Variants in ACRV1 observed in about 807,000 individuals in gnomAD.
ACRV1 encodes the protein acrosomal protein SP-10.
A neutral mutation model predicts 29.2 loss-of-function variants in ACRV1; 17 were observed. The observed-to-expected ratio is 0.58, with a 90% confidence interval of 0.40 to 0.87. The LOEUF (loss-of-function observed/expected upper bound fraction) is 0.87. Among genes scored for constraint, ACRV1 ranks in the 40% least tolerant of loss-of-function variants. The pLI, the probability that ACRV1 is intolerant of heterozygous loss-of-function variation, is 0.00. For missense variants in ACRV1, 294 were observed against 316.0 expected, an observed-to-expected ratio of 0.93 and a Z score of 0.53; for synonymous variants, 98 against 111.6, an observed-to-expected ratio of 0.88 and a Z score of 0.77.
rs957422021 is a variant in ACRV1, at chr11:125,679,311, G to A, written c.53-1014C>T. Among the ~76,000 whole-genome samples, 12 of 146,848 alleles carry A rather than the reference G, an allele frequency of 8.2e-5. No homozygotes were observed. In the East Asian group the frequency reaches 2.3e-3, roughly 28 times the overall value. ...TGGCTCACTGCAACCTCCGCCTCCCGGGTTCAAGTGATCCTCCTGCCTCTG... is the reference window on the plus strand; with the variant it reads ...TGGCTCACTGCAACCTCCGCCTCCCAGGTTCAAGTGATCCTCCTGCCTCTG... On this transcript the variant is annotated intron_variant, in intron 1 of 3. Transcript: ENST00000533904.
intron 3 of ACRV1, among the ~76,000 whole-genome samples, chr11:125,675,369 CATA>C (rs150728914): frequency 1.3e-5 from 2 of 152,110 alleles, no homozygotes; most frequent in African/African-American, 4.8e-5. Context: ...TACATTATAA[CATA>C]ATCTCTTTGT....
chr11:125,678,014 C>T lies in ACRV1; in HGVS notation c.336G>A (p.Glu112=). 6.2e-7 allele frequency: 1 copy of T among 1,614,158 alleles called. No individual in the cohort carries two copies. The highest frequency in any genetic ancestry group is 8.5e-7 in the Non-Finnish European group (1 of 1,180,016). ...CTGAAGGCTGTTCTCCTGAAGGCTGCTCACCTACAGTATGCTCACCTTCAG... is the reference window on the plus strand; with the variant it reads ...CTGAAGGCTGTTCTCCTGAAGGCTGTTCACCTACAGTATGCTCACCTTCAG... ...EHAEGEHTVG[E]QPSGEQPSGE... is the part of the protein sequence containing the mutation. Residue 112 remains glutamate, a synonymous_variant, in exon 2 of 4, where the codon GAG becomes GAA. Coordinates refer to ENST00000533904, the MANE Select transcript of ACRV1 (RefSeq NM_001612.6).
Position 125,677,995 on chromosome 11 carries a change from G to C in ACRV1, c.355C>G (p.Pro119Ala). Residue 119 changes from proline to alanine, a missense_variant, in exon 2 of 4, where the codon CCT (proline) becomes GCT (alanine). By Grantham distance (27) the Pro-to-Ala change is conservative. Coordinates refer to ENST00000533904, the MANE Select transcript of ACRV1 (RefSeq NM_001612.6). ...TCTCCGGAGAGGTGTTCACCTGAAG[G>C]CTGTTCTCCTGAAGGCTGCTCACCT... Reference protein sequence around the residue: ...TVGEQPSGEQPSGEHLSGEQP... With the variant: ...TVGEQPSGEQASGEHLSGEQP... 4.3e-6 allele frequency: 7 copies of C among 1,613,562 alleles called. No homozygotes were observed. The South Asian group carries it at 4.4e-5, about 10-fold the overall frequency.
chr11:125,679,764 T>G (rs971237214), intron 1 of ACRV1, among the ~76,000 whole-genome samples: 1 of 152,220 alleles, frequency 6.6e-6, no homozygotes, highest in Non-Finnish European at 1.5e-5. Context: ...GCGATAGATA[T>G]ATTTTCTTGG....
chr11:125,680,568 A>G (rs780013303), intron 1 of ACRV1, among the ~76,000 whole-genome samples, 161 bp downstream of exon 1: 8 of 152,194 alleles, frequency 5.3e-5, no homozygotes, highest in Non-Finnish European at 1.0e-4. Flanking sequence ...TAGAGAAATC[A>G]ACTGGTTCAG....
chr11:125,672,720 G>T lies in ACRV1; in HGVS notation c.674-3C>A. Reference sequence around the variant, plus strand: ...AACCATGAATTGGAGTTTTCCACCTGAAAGGAGCAGAGACAGACTAGTGAG... The same window carrying T: ...AACCATGAATTGGAGTTTTCCACCTTAAAGGAGCAGAGACAGACTAGTGAG... On this transcript the variant is annotated splice_region_variant and splice_polypyrimidine_tract_variant and intron_variant, in intron 3 of 3. Transcript: ENST00000533904. 1 of 1,614,020 alleles carries T rather than the reference G, an allele frequency of 6.2e-7. No individual in the cohort carries two copies. The highest frequency in any genetic ancestry group is 8.5e-7 in the Non-Finnish European group (1 of 1,179,992).
At chr11:125,680,480 A>G (rs912819142) in intron 1 of ACRV1, among the ~76,000 whole-genome samples, 10 of 152,176 alleles carry the variant, frequency 6.6e-5, no homozygotes, top group Admixed American at 6.5e-4. Flanking sequence ...AGCATCAGGT[A>G]TAAATGTTGA....
At position 125,676,551 on chromosome 11, in the gene ACRV1, G is replaced by T. The variant is rs1033788486; in HGVS notation, c.554-73C>A. 5.7e-6 allele frequency: 9 copies of T among 1,575,036 alleles called. No homozygotes were observed. In the Admixed American group the frequency reaches 1.2e-4, roughly 21 times the overall value. ...TGTAGCCTTGATTCACATCTGGGAG[G>T]GGTAATGGGCAATAGGTAGCATGGA... On this transcript the variant is annotated intron_variant, in intron 2 of 3. Transcript: ENST00000533904.
Position 125,678,181 on chromosome 11 carries a change from CAT to C in ACRV1, c.167_168del (p.Tyr56Ter), listed in dbSNP as rs780683181. 6 of 1,614,078 alleles carry C rather than the reference CAT, an allele frequency of 3.7e-6. No homozygotes were observed. The highest frequency in any genetic ancestry group is 1.3e-5 in the African/African-American group (1 of 74,928). On this transcript the variant is annotated frameshift_variant, in exon 2 of 4. Transcript: ENST00000533904. LOFTEE classifies it high-confidence loss of function. ...LENPSDAEAL[Y>X]ETSSGLNTLS... is the part of the protein sequence containing the mutation. ...AAAGTGTTCAGGCCTGAAGAAGTCT[CAT>C]ATAAAGCCTCAGCATCAGAAGGGTT...
Position 125,680,709 on chromosome 11 carries a change from AG to A in ACRV1, c.52+19del. On this transcript the variant is annotated intron_variant, in intron 1 of 3. Transcript: ENST00000533904. ...GGAGACCCCTTTTGTATTTACCTGAAGCCTAGATCAAACACTCACCTCTGGC... is the reference window on the plus strand; with the variant it reads ...GGAGACCCCTTTTGTATTTACCTGAACCTAGATCAAACACTCACCTCTGGC... 1 of 1,609,448 alleles carries A rather than the reference AG, an allele frequency of 6.2e-7. No homozygotes were observed. Among genetic ancestry groups the A allele is most frequent in the Non-Finnish European group, 8.5e-7 (1 of 1,176,354 alleles).
At chr11:125,680,104 A>C (rs999242220) in intron 1 of ACRV1, among the ~76,000 whole-genome samples, 1 of 152,246 alleles carries the variant, frequency 6.6e-6, no homozygotes, top group African/African-American at 2.4e-5. Context: ...CAAAGCAAAA[A>C]GCAAAACCTC....
At chr11:125,679,527 C>T (rs1008916198) in intron 1 of ACRV1, among the ~76,000 whole-genome samples, 1 of 152,164 alleles carries the variant, frequency 6.6e-6, no homozygotes, top group Admixed American at 6.5e-5. Context: ...CAATCCATCT[C>T]ATCATTGACT....
chr11:125,676,701 C>A (rs1002327731), intron 2 of ACRV1, among the ~76,000 whole-genome samples: 4 of 138,198 alleles, frequency 2.9e-5, no homozygotes, highest in African/African-American at 5.1e-5. Flanking sequence ...TCCCAAATTT[C>A]TCTCTCTAAT....
intron 1 of ACRV1, 36 bp downstream of exon 1, chr11:125,680,692 CT>C (rs1466121177): frequency 6.3e-7 from 1 of 1,593,194 alleles, no homozygotes; most frequent in Admixed American, 1.7e-5. Flanking sequence ...AGGGAGACCC[CT>C]TTTGTATTTA....
At chr11:125,672,829 A>T in intron 3 of ACRV1, 112 bp from the exon 4 acceptor site, 1 of 1,310,142 alleles carries the variant, frequency 7.6e-7, no homozygotes, top group Non-Finnish European at 1.0e-6. Context: ...CCACTTGTCC[A>T]TTATCCCTTC....
rs1176716098 is a variant in ACRV1 at position 125,672,475 on chromosome 11, C to G, written c.*118G>C. The stretch of plus-strand genomic sequence containing the variant: ...TAGGATGTTTGAGCATCCTAATGCT[C>G]AGGCAGAGGCAGATGTGGTCAGTTG... On this transcript the variant is annotated 3_prime_UTR_variant, in exon 4 of 4. Transcript: ENST00000533904. 8 of 1,209,586 alleles carry G rather than the reference C, an allele frequency of 6.6e-6. No homozygotes were observed. Among genetic ancestry groups the G allele is most frequent in the Non-Finnish European group, 1.2e-6 (1 of 862,126 alleles). 74.9% of individuals were successfully genotyped at this position (1,209,586 alleles called of 1,614,324 possible).
rs138765431 is a variant in ACRV1, at chr11:125,678,050, C to T, written c.300G>A (p.Ala100=). 3.7e-5 allele frequency: 60 copies of T among 1,614,068 alleles called. No individual in the cohort carries two copies. The highest frequency in any genetic ancestry group is 8.9e-5 in the East Asian group (4 of 44,868). The change falls in exon 2 of 4, where the codon GCG becomes GCA. Residue 100 remains alanine (A), a synonymous_variant. Transcript: ENST00000533904. ...TATGCTCACCTTCAGCATGTTCAGTCGCAGCGGGCTCACCTGAAGCATGCT... is the reference window on the plus strand; with the variant it reads ...TATGCTCACCTTCAGCATGTTCAGTTGCAGCGGGCTCACCTGAAGCATGCT... ...ESEHASGEPA[A]TEHAEGEHTV...
In ACRV1 at chr11:125,673,349, C is replaced by T. The variant is rs533287616; in HGVS notation, c.674-632G>A. 3.4e-4 allele frequency among the ~76,000 whole-genome samples: 51 copies of T among 152,030 alleles called. No homozygotes were observed. In the South Asian group the frequency reaches 0.01, roughly 31 times the overall value. On this transcript the variant is annotated intron_variant, in intron 3 of 3. Coordinates refer to ENST00000533904, the MANE Select transcript of ACRV1 (RefSeq NM_001612.6). ...CCTCCTGAGTAGCTGGGATTACAGG[C>T]GCACCACCACACCTGGCTAATTTTT...
In ACRV1 at chr11:125,672,757, G is replaced by A. The variant is rs557946390; in HGVS notation, c.674-40C>T. On this transcript the variant is annotated intron_variant, in intron 3 of 3. Coordinates refer to ENST00000533904, the MANE Select transcript of ACRV1 (RefSeq NM_001612.6). ...GACAGACTAGTGAGCAGAAAGCTTC[G>A]TCCTCCAACCTTAGCCTTTATCTGT... The A allele has an allele frequency of 2.7e-5, 44 of 1,611,256 alleles. No homozygotes were observed. The Admixed American group carries it at 3.7e-4, about 13-fold the overall frequency.
Sources: allele counts gnomAD v4.1 joint callset (sites outside exome capture counted in the v4.1 genomes callset), GRCh38; gene constraint gnomAD v4.1.1; transcripts MANE v1.5; gene names NCBI Gene and HGNC (gene_info 2026-07-23, HGNC 2026-07-21).